Variants in RPS14 observed in about 807,000 individuals in gnomAD.
RPS14 encodes the protein small ribosomal subunit protein uS11.
Under a neutral mutation model 15.4 loss-of-function variants are expected in RPS14, and 1 was observed. That is an observed-to-expected ratio of 0.07 (90% CI 0.02 to 0.31). RPS14 has a LOEUF of 0.31. Among genes scored for constraint, RPS14 ranks in the 10% least tolerant of loss-of-function variants. The probability of loss-of-function intolerance (pLI) is 1.00; values close to 1 mark genes in which losing one functional copy is unlikely to be tolerated. For synonymous variants in RPS14, 68 were observed against 74.4 expected (o/e 0.91, Z 0.44); for missense variants, 69 against 205.5 (o/e 0.34, Z 4.06).
Position 150,443,082 on chromosome 5 carries a change from T to C in RPS14, c.*1204A>G, listed in dbSNP as rs1770984009. The C allele has an allele frequency of 1.3e-5, 2 of 152,254 alleles. No homozygotes were observed. Among genetic ancestry groups the C allele is most frequent in the South Asian group, 2.1e-4 (1 of 4,834 alleles). The allele number at this position is 152,254 out of a possible 1,614,324, so 9.4% of individuals were successfully genotyped here. A position where few individuals can be genotyped will look rare whatever the true frequency, so the allele number is the denominator to read the frequency against. On this transcript the variant is annotated 3_prime_UTR_variant, in exon 5 of 5. Transcript: ENST00000407193. ...AGGATACCACAATGGGCATTTAGTT[T>C]TCACGCCTCCTTAATCTCCTGTCCT...
rs398065307 is a variant in RPS14 at position 150,443,177 on chromosome 5, ATACTT to A, written c.*1104_*1108del. ...TTTTTGCAAGCTTTTTTTTTTTATT[ATACTT>A]TAAGTTTTAGGGTACATGTGCACAA... On this transcript the variant is annotated 3_prime_UTR_variant, in exon 5 of 5. Transcript: ENST00000407193. 3 of 149,558 alleles carry A rather than the reference ATACTT, an allele frequency of 2.0e-5. No homozygotes were observed. The highest frequency in any genetic ancestry group is 2.5e-5 in the African/African-American group (1 of 40,428). 9.3% of individuals were successfully genotyped at this position (149,558 alleles called of 1,614,324 possible).
In RPS14 at chr5:150,443,916, G is replaced by A. The variant is rs185804184; in HGVS notation, c.*370C>T. On this transcript the variant is annotated 3_prime_UTR_variant, in exon 5 of 5. Coordinates refer to ENST00000407193, the MANE Select transcript of RPS14 (RefSeq NM_005617.4). ...GTGTGGGGGGAGAATGCACACCCAC[G>A]TGTGTTTATATATGGCATGGGTCTG... The A allele has an allele frequency of 5.7e-5, 9 of 158,558 alleles. No homozygotes were observed. The highest frequency in any genetic ancestry group is 5.5e-5 in the Non-Finnish European group (4 of 72,236). The allele number at this position is 158,558 out of a possible 1,614,324, so 9.8% of individuals were successfully genotyped here.
intron 2 of RPS14, 199 bp from the exon 3 acceptor site, chr5:150,447,162 G>C: frequency 8.4e-6 from 5 of 592,998 alleles, no homozygotes; most frequent in Non-Finnish European, 1.5e-5. Flanking sequence ...ATCTACTTTT[G>C]CATTTAATCC....
intron 4 of RPS14, among the ~76,000 whole-genome samples, chr5:150,444,934 G>A (rs564876246): frequency 6.6e-6 from 1 of 152,112 alleles, no homozygotes; most frequent in Admixed American, 6.5e-5. Flanking sequence ...AGGATCCTTT[G>A]GACAGATCCG....
chr5:150,447,192 T>C (rs982815393), intron 2 of RPS14: 5 of 563,474 alleles, frequency 8.9e-6, no homozygotes, highest in African/African-American at 3.8e-5. Context: ...CTCCACAAGG[T>C]AGACATTACT....
chr5:150,446,094 A>C lies in RPS14; in HGVS notation c.312-409T>G, dbSNP rs1049513444. Among the ~76,000 whole-genome samples, 10 of 142,832 alleles carry C rather than the reference A, an allele frequency of 7.0e-5. No homozygotes were observed. The highest frequency in any genetic ancestry group is 3.5e-3 in the Middle Eastern group (1 of 282). The allele number at this position is 142,832 out of a possible 152,430, so 93.7% of individuals were successfully genotyped here. On this transcript the variant is annotated intron_variant, in intron 3 of 4. Transcript: ENST00000407193. This position sits in a 1 kb window ranked among gnomAD's most constrained non-coding sequence, Gnocchi z 4.2. ...GTGAGAGTGAGACCCTGTCTCAAAAAAGAGGAAAAAAAAAAAAGCCAGACA... is the reference window on the plus strand; with the variant it reads ...GTGAGAGTGAGACCCTGTCTCAAAACAGAGGAAAAAAAAAAAAGCCAGACA...
rs1771022202 is a variant in RPS14 at position 150,444,243 on chromosome 5, A to G, written c.*43T>C. The G allele has an allele frequency of 6.3e-7, 1 of 1,589,490 alleles. No individual in the cohort carries two copies. The highest frequency in any genetic ancestry group is 8.6e-7 in the Non-Finnish European group (1 of 1,166,168). On this transcript the variant is annotated 3_prime_UTR_variant, in exon 5 of 5. Coordinates refer to ENST00000407193, the MANE Select transcript of RPS14 (RefSeq NM_005617.4). Reference sequence around the variant, plus strand: ...GAAGGCTGGAGTTGAAACAGTTTACATGAAGGCAATTTATTAACAGAAAAT... The same window carrying G: ...GAAGGCTGGAGTTGAAACAGTTTACGTGAAGGCAATTTATTAACAGAAAAT...
At position 150,443,024 on chromosome 5, in the gene RPS14, C is replaced by T. The variant is rs1424415778; in HGVS notation, c.*1262G>A. On this transcript the variant is annotated 3_prime_UTR_variant, in exon 5 of 5. Transcript: ENST00000407193. ...TTATCCTATTTCACTAGTTTTTATA[C>T]TAATACCCTATTCTGGTTCCAGAAT... is the stretch of plus-strand genomic sequence containing the variant. The T allele has an allele frequency of 6.6e-6, 1 of 152,174 alleles. No homozygotes were observed. Among genetic ancestry groups the T allele is most frequent in the Non-Finnish European group, 1.5e-5 (1 of 68,024 alleles). 9.4% of individuals were successfully genotyped at this position (152,174 alleles called of 1,614,324 possible). A position where few individuals can be genotyped will look rare whatever the true frequency, so the allele number is the denominator to read the frequency against.
chr5:150,444,908 A>G (rs2070841), intron 4 of RPS14, among the ~76,000 whole-genome samples: 32,195 of 151,076 alleles, frequency 0.21, 4,100 homozygotes, highest in South Asian at 0.4. Flanking sequence ...CCAGCTACTC[A>G]GTAGATGCAG....
At position 150,444,167 on chromosome 5, in the gene RPS14, G is replaced by A. The variant is rs1771019570; in HGVS notation, c.*119C>T. 1.4e-6 allele frequency: 2 copies of A among 1,449,360 alleles called. No individual in the cohort carries two copies. Among genetic ancestry groups the A allele is most frequent in the East Asian group, 2.4e-5 (1 of 41,126 alleles). The allele number at this position is 1,449,360 out of a possible 1,614,324, so 89.8% of individuals were successfully genotyped here. A position where few individuals can be genotyped will look rare whatever the true frequency, so the allele number is the denominator to read the frequency against. ...TCCTCAGGCTCCTTTCTCCCAAGAA[G>A]CCAAATAGGAGGAAGAAATCAAATG... is the stretch of plus-strand genomic sequence containing the variant. On this transcript the variant is annotated 3_prime_UTR_variant, in exon 5 of 5. Coordinates refer to ENST00000407193, the MANE Select transcript of RPS14 (RefSeq NM_005617.4).
At chr5:150,447,220 G>A (rs140449452) in intron 2 of RPS14, 53 of 537,860 alleles carry the variant, frequency 9.9e-5, no homozygotes, top group Non-Finnish European at 1.7e-4. Context: ...TTTTACATAT[G>A]AGGAAACCAA....
chr5:150,443,209 G>A lies in RPS14; in HGVS notation c.*1077C>T, dbSNP rs1770990321. On this transcript the variant is annotated 3_prime_UTR_variant, in exon 5 of 5. Coordinates refer to ENST00000407193, the MANE Select transcript of RPS14 (RefSeq NM_005617.4). ...AAGTTTTAGGGTACATGTGCACAACGTGCAGGTTTGTTACATATGTATACA... is the reference window on the plus strand; with the variant it reads ...AAGTTTTAGGGTACATGTGCACAACATGCAGGTTTGTTACATATGTATACA... 3 of 141,202 alleles carry A rather than the reference G, an allele frequency of 2.1e-5. No individual in the cohort carries two copies. The highest frequency in any genetic ancestry group is 7.0e-5 in the Admixed American group (1 of 14,222). 8.7% of individuals were successfully genotyped at this position (141,202 alleles called of 1,614,324 possible). A position where few individuals can be genotyped will look rare whatever the true frequency, so the allele number is the denominator to read the frequency against.
intron 4 of RPS14, 90 bp from the exon 5 acceptor site, chr5:150,444,443 A>C (rs188754014): frequency 1.3e-5 from 13 of 1,039,386 alleles, no homozygotes; most frequent in Non-Finnish European, 1.5e-5. Flanking sequence ...CCAATCAGCA[A>C]CAGATCCTGC....
chr5:150,447,184 C>G (rs1198019587), intron 2 of RPS14: 2 of 570,712 alleles, frequency 3.5e-6, no homozygotes, highest in Non-Finnish European at 6.2e-6. Context: ...TACCATTACT[C>G]CACAAGGTAG....
rs535798448 is a variant in RPS14, at chr5:150,447,911, G to T, written c.-2-176C>A. On this transcript the variant is annotated intron_variant, in intron 1 of 4. Transcript: ENST00000407193. Reference sequence around the variant, plus strand: ...AAAACTTCTTTCTCCTTGCACTTGGGGGGGTATCAACTGTGGCCACATGGC... The same window carrying T: ...AAAACTTCTTTCTCCTTGCACTTGGTGGGGTATCAACTGTGGCCACATGGC... The T allele has an allele frequency of 1.3e-5, 9 of 680,306 alleles. No homozygotes were observed. The East Asian group carries it at 1.4e-4, about 10-fold the overall frequency. The allele number at this position is 680,306 out of a possible 1,614,324, so 42.1% of individuals were successfully genotyped here.
rs1334460873 is a variant in RPS14, at chr5:150,446,305, C to T, written c.311+497G>A. On this transcript the variant is annotated intron_variant, in intron 3 of 4. Transcript: ENST00000407193. This position sits in a 1 kb window ranked among gnomAD's most constrained non-coding sequence, Gnocchi z 4.2. ...CTGCACCTCATGCCACTCTTTCCTTCACAGGTGCCCAGGTTCACCCCCACC... is the reference window on the plus strand; with the variant it reads ...CTGCACCTCATGCCACTCTTTCCTTTACAGGTGCCCAGGTTCACCCCCACC... 6.6e-6 allele frequency among the ~76,000 whole-genome samples: 1 copy of T among 152,164 alleles called. No homozygotes were observed. Among genetic ancestry groups the T allele is most frequent in the Non-Finnish European group, 1.5e-5 (1 of 68,034 alleles).
At chr5:150,448,598 CGATATCCTGCA>C (rs1185803408) in intron 1 of RPS14, 1 of 152,202 alleles carries the variant, frequency 6.6e-6, no homozygotes, top group Non-Finnish European at 1.5e-5. Context: ...TAACACTAAT[CGATATCCTGCA>C]GATGGTGAAG....
intron 1 of RPS14, chr5:150,449,094 A>G (rs1322031919): frequency 6.6e-6 from 1 of 152,254 alleles, no homozygotes; most frequent in East Asian, 1.9e-4. Flanking sequence ...CAGAGTGGTC[A>G]TCAGGAGTAT....
At chr5:150,444,430 T>G in intron 4 of RPS14, 77 bp from the exon 5 acceptor site, 1 of 1,210,660 alleles carries the variant, frequency 8.3e-7, no homozygotes, top group Non-Finnish European at 1.2e-6. Flanking sequence ...ACCAATGGCC[T>G]AACCAATCAG....
Sources: allele counts gnomAD v4.1 joint callset (sites outside exome capture counted in the v4.1 genomes callset), GRCh38; gene constraint gnomAD v4.1.1; non-coding constraint Gnocchi (gnomAD v3.1); transcripts MANE v1.5; gene names NCBI Gene and HGNC (gene_info 2026-07-23, HGNC 2026-07-21).